Variants in PDE4D observed in about 807,000 individuals in gnomAD.
PDE4D encodes 3',5'-cyclic-AMP phosphodiesterase 4D.
A neutral mutation model predicts 87.4 loss-of-function variants in PDE4D; 24 were observed. That is an observed-to-expected ratio of 0.27 (90% CI 0.20 to 0.39). The LOEUF (loss-of-function observed/expected upper bound fraction) is 0.39. PDE4D is among the 10% of genes least tolerant of loss of function. The probability of loss-of-function intolerance (pLI) is 1.00; values close to 1 mark genes in which losing one functional copy is unlikely to be tolerated. For missense variants in PDE4D, 714 were observed against 1,041.0 expected (o/e 0.69, Z 4.32); for synonymous variants, 384 against 383.2 (o/e 1.00, Z -0.02).
intron 2 of PDE4D, chr5:60,031,042 G>T (rs1317502889): frequency 6.6e-6 from 1 of 152,152 alleles, no homozygotes; most frequent in African/African-American, 2.4e-5. Flanking sequence ...GTTGAAAATA[G>T]ATATAGAATA....
chr5:59,620,238 C>G (rs1830187977), intron 1 of PDE4D, among the ~76,000 whole-genome samples: 2 of 152,172 alleles, frequency 1.3e-5, no homozygotes, highest in African/African-American at 4.8e-5. Flanking sequence ...AGAGTATGAA[C>G]TTGCTGTGGC....
At chr5:59,044,971 CACTG>C (rs534181963) in intron 5 of PDE4D, among the ~76,000 whole-genome samples, 135 of 152,276 alleles carry the variant, frequency 8.9e-4, no homozygotes, top group African/African-American at 3.1e-3. Flanking sequence ...ATTTATTTAG[CACTG>C]ACTATGTGCC....
chr5:59,796,406 A>T (rs1766483905), intron 1 of PDE4D, among the ~76,000 whole-genome samples: 1 of 152,026 alleles, frequency 6.6e-6, no homozygotes. Context: ...AGTGCTAACA[A>T]CACAGTTGCA....
chr5:59,093,410 G>A (rs765744185), intron 5 of PDE4D, among the ~76,000 whole-genome samples: 2 of 152,194 alleles, frequency 1.3e-5, no homozygotes, highest in Non-Finnish European at 2.9e-5. Context: ...TGCAGGTTGC[G>A]AAATAGGTGC....
rs78504701 is a variant in PDE4D at position 60,274,210 on chromosome 5, T to C, written c.-89-88523A>G. On this transcript the variant is annotated intron_variant, in intron 1 of 16. Coordinates refer to the PDE4D transcript ENST00000502484. ...CAAGATGAAGTTAAAAAGCAGGGTG[T>C]TCAACATTAGTTCTAGACAATAAGG... is the stretch of plus-strand genomic sequence containing the variant. Among the ~76,000 whole-genome samples, 18 of 152,324 alleles carry C rather than the reference T, an allele frequency of 1.2e-4. No homozygotes were observed. The East Asian group carries it at 3.5e-3, about 29-fold the overall frequency.
chr5:60,101,780 T>G (rs1776244028), intron 2 of PDE4D, among the ~76,000 whole-genome samples: 1 of 152,170 alleles, frequency 6.6e-6, no homozygotes, highest in East Asian at 1.9e-4. Context: ...CCACTCCTTT[T>G]CAGAGACTAG....
intron 1 of PDE4D, among the ~76,000 whole-genome samples, chr5:59,556,665 G>A (rs1343971225): frequency 3.3e-5 from 5 of 152,084 alleles, no homozygotes; most frequent in Admixed American, 2.6e-4. Context: ...TGGCCACCAC[G>A]TAACTATGAG....
At chr5:60,436,085 G>A (rs539329108) in intron 1 of PDE4D, among the ~76,000 whole-genome samples, 3 of 152,162 alleles carry the variant, frequency 2.0e-5, no homozygotes, top group Admixed American at 6.5e-5. Flanking sequence ...TTTTCAGGTA[G>A]CATTTCTTTA....
At chr5:59,381,289 G>A (rs10077672) in intron 1 of PDE4D, among the ~76,000 whole-genome samples, 7,658 of 152,006 alleles carry the variant, frequency 0.05, 285 homozygotes, top group South Asian at 0.16. Context: ...TGATGACTTC[G>A]ATATTAATAT....
chr5:59,787,911 T>C (rs371250723), intron 1 of PDE4D, among the ~76,000 whole-genome samples: 1 of 152,182 alleles, frequency 6.6e-6, no homozygotes, highest in African/African-American at 2.4e-5. Flanking sequence ...ATCTTAAAAA[T>C]GCATATGTAA....
In PDE4D at chr5:60,337,126, C is replaced by A. The variant is rs140641517; in HGVS notation, c.-90+150816G>T. Among the ~76,000 whole-genome samples the A allele has an allele frequency of 7.0e-3, 1,037 of 148,016 alleles. 9 individuals carry two copies. Among genetic ancestry groups the A allele is most frequent in the African/African-American group, 0.025 (1,002 of 39,908 alleles). ...CCTGAGGTCAGGAGTTTGAGACCAGCCTGGCCGACATGGTGAACCCTGTCT... is the reference window on the plus strand; with the variant it reads ...CCTGAGGTCAGGAGTTTGAGACCAGACTGGCCGACATGGTGAACCCTGTCT... On this transcript the variant is annotated intron_variant, in intron 1 of 16. Transcript: ENST00000502484.
At chr5:59,603,905 A>G (rs889887197) in intron 1 of PDE4D, among the ~76,000 whole-genome samples, 1 of 152,006 alleles carries the variant, frequency 6.6e-6, no homozygotes, top group African/African-American at 2.4e-5. Context: ...AGTGGATATT[A>G]AGTGTTTTCA....
chr5:60,370,773 G>T (rs541759262), intron 1 of PDE4D, among the ~76,000 whole-genome samples: 1 of 152,234 alleles, frequency 6.6e-6, no homozygotes, highest in South Asian at 2.1e-4. Context: ...GTGTGTGTGT[G>T]TGTGCGTGCG....
At chr5:60,137,183 C>T (rs967265958) in intron 2 of PDE4D, among the ~76,000 whole-genome samples, 2 of 152,266 alleles carry the variant, frequency 1.3e-5, no homozygotes, top group Non-Finnish European at 1.5e-5. Context: ...TGTATATGTA[C>T]CACATTTTCT....
At chr5:60,283,709 A>T (rs1054003337) in intron 1 of PDE4D, among the ~76,000 whole-genome samples, 3 of 152,102 alleles carry the variant, frequency 2.0e-5, no homozygotes, top group African/African-American at 7.2e-5. Flanking sequence ...AAGAACACAT[A>T]AAAAAATTGA....
At chr5:60,207,367 A>G (rs553586026) in intron 1 of PDE4D, among the ~76,000 whole-genome samples, 25 of 152,326 alleles carry the variant, frequency 1.6e-4, no homozygotes, top group African/African-American at 5.3e-4. Flanking sequence ...CCAGTAGGAA[A>G]CCAATGCAGA....
intron 5 of PDE4D, among the ~76,000 whole-genome samples, chr5:59,056,481 G>T (rs139153265): frequency 0.027 from 4,174 of 152,058 alleles, 231 homozygotes; most frequent in African/African-American, 0.096. Flanking sequence ...TGTGCAGAAC[G>T]TGCAGGTTTA....
chr5:59,935,882 G>A (rs1756511560), intron 3 of PDE4D, among the ~76,000 whole-genome samples: 1 of 152,180 alleles, frequency 6.6e-6, no homozygotes, highest in African/African-American at 2.4e-5. Context: ...TTGGTTCCAA[G>A]TCTTTGCTAT....
chr5:59,899,274 C>T (rs1404856677), intron 3 of PDE4D, among the ~76,000 whole-genome samples: 1 of 152,050 alleles, frequency 6.6e-6, no homozygotes, highest in Non-Finnish European at 1.5e-5. Flanking sequence ...ACATAGAAAA[C>T]ACCTGTTCAC....
Sources: gnomAD v4.1 joint callset for allele counts (sites outside exome capture counted in the v4.1 genomes callset) on GRCh38, gnomAD v4.1.1 for gene constraint, MANE v1.5 for transcripts, NCBI Gene and HGNC (gene_info 2026-07-23, HGNC 2026-07-21) for gene names.